STXBP5L: variants seen among roughly 807,000 people sequenced by gnomAD.
The protein encoded by STXBP5L is syntaxin-binding protein 5-like.
A neutral mutation model predicts 144.5 loss-of-function variants in STXBP5L; 65 were observed. That is an observed-to-expected ratio of 0.45 (90% confidence interval 0.37 to 0.55). The LOEUF is 0.55. Among genes scored for constraint, STXBP5L ranks in the 20% least tolerant of loss-of-function variants. The pLI is 0.00. For synonymous variants in STXBP5L, 505 were observed against 469.6 expected, an observed-to-expected ratio of 1.08 and a Z score of -0.97; for missense variants, 1,298 against 1,405.5, an observed-to-expected ratio of 0.92 and a Z score of 1.22.
At chr3:121,250,803 A>C in intron 15 of STXBP5L, 40 bp downstream of exon 15, 1 of 1,560,328 alleles carries the variant, frequency 6.4e-7, no homozygotes, top group Non-Finnish European at 8.7e-7. Context: ...CCAATTGGTT[A>C]ATATTTACTT....
intron 9 of STXBP5L, among the ~76,000 whole-genome samples, chr3:121,205,236 T>C (rs2048292672): frequency 6.6e-6 from 1 of 152,194 alleles, no homozygotes; most frequent in Non-Finnish European, 1.5e-5. Flanking sequence ...TGGCTTATGA[T>C]TCTGGAGGCT....
At chr3:121,029,015 C>G (rs187831515) in intron 3 of STXBP5L, among the ~76,000 whole-genome samples, 32 of 152,156 alleles carry the variant, frequency 2.1e-4, no homozygotes, top group African/African-American at 7.5e-4. Flanking sequence ...AACTACTGCT[C>G]AAGAAAATAA....
chr3:121,037,172 A>T (rs1454071220), intron 3 of STXBP5L, among the ~76,000 whole-genome samples: 1 of 151,258 alleles, frequency 6.6e-6, no homozygotes, highest in Non-Finnish European at 1.5e-5. Context: ...GCTTCAAGCA[A>T]TCATTCTGCT....
At chr3:121,122,677 A>G (rs1258948792) in intron 7 of STXBP5L, among the ~76,000 whole-genome samples, 2 of 151,470 alleles carry the variant, frequency 1.3e-5, no homozygotes, top group Non-Finnish European at 3.0e-5. Context: ...AAGAATAGTA[A>G]GACCTCTGCC....
intron 23 of STXBP5L, among the ~76,000 whole-genome samples, chr3:121,411,049 T>C (rs2047104195): frequency 6.6e-6 from 1 of 152,130 alleles, no homozygotes; most frequent in Non-Finnish European, 1.5e-5. Flanking sequence ...TGGACTCATA[T>C]CTTAAGGAGC....
At chr3:120,973,854 C>G (rs916139068) in intron 3 of STXBP5L, among the ~76,000 whole-genome samples, 5 of 152,088 alleles carry the variant, frequency 3.3e-5, no homozygotes, top group African/African-American at 4.8e-5. Flanking sequence ...TCATCCATTC[C>G]CTACAAAGGA....
chr3:121,157,746 T>C, intron 9 of STXBP5L, 119 bp downstream of exon 9: 1 of 1,352,438 alleles, frequency 7.4e-7, no homozygotes, highest in Non-Finnish European at 9.9e-7. Flanking sequence ...CTTCTGGTTC[T>C]AAACATCCCT....
At chr3:121,408,251 A>C (rs2047038676) in intron 23 of STXBP5L, among the ~76,000 whole-genome samples, 1 of 151,994 alleles carries the variant, frequency 6.6e-6, no homozygotes, top group Non-Finnish European at 1.5e-5. Context: ...CGAGACACAA[A>C]AATAATTACC....
intron 10 of STXBP5L, among the ~76,000 whole-genome samples, chr3:121,218,884 G>A (rs905528779): frequency 2.0e-5 from 3 of 152,230 alleles, no homozygotes; most frequent in African/African-American, 7.2e-5. Context: ...TGATATTCAT[G>A]AGAATTAAAT....
At chr3:121,054,458 G>A (rs1445494970) in intron 5 of STXBP5L, among the ~76,000 whole-genome samples, 1 of 151,832 alleles carries the variant, frequency 6.6e-6, no homozygotes, top group African/African-American at 2.4e-5. Context: ...GATTAAACTG[G>A]AAACCATCAT....
At chr3:120,985,348 T>C (rs1942192368) in intron 3 of STXBP5L, among the ~76,000 whole-genome samples, 1 of 152,108 alleles carries the variant, frequency 6.6e-6, no homozygotes, top group African/African-American at 2.4e-5. Context: ...GATATTTTGA[T>C]GTATGTATAC....
At chr3:120,966,736 C>G (rs939860093) in intron 3 of STXBP5L, among the ~76,000 whole-genome samples, 2 of 152,146 alleles carry the variant, frequency 1.3e-5, no homozygotes, top group Non-Finnish European at 2.9e-5. Context: ...GTGTGTTCCA[C>G]TTAGGCTACA....
At chr3:121,049,201 G>T (rs1325467038) in intron 5 of STXBP5L, among the ~76,000 whole-genome samples, 1 of 152,122 alleles carries the variant, frequency 6.6e-6, no homozygotes, top group Non-Finnish European at 1.5e-5. Flanking sequence ...TGTGCTAGGG[G>T]TTCATGGTAG....
At chr3:120,947,400 A>G (rs2107672723) in intron 2 of STXBP5L, among the ~76,000 whole-genome samples, 1 of 151,898 alleles carries the variant, frequency 6.6e-6, no homozygotes. Flanking sequence ...TTTTTATTGC[A>G]TACTTTGTCT....
At chr3:121,335,555 A>G (rs1002950914) in intron 20 of STXBP5L, among the ~76,000 whole-genome samples, 1 of 152,182 alleles carries the variant, frequency 6.6e-6, no homozygotes, top group Admixed American at 6.5e-5. Flanking sequence ...AAACTATACT[A>G]CAGGGCTACA....
chr3:120,994,163 ATTTG>A (rs1943153737), intron 3 of STXBP5L, among the ~76,000 whole-genome samples: 1 of 151,876 alleles, frequency 6.6e-6, no homozygotes, highest in Non-Finnish European at 1.5e-5. Context: ...ACTTTAATGA[ATTTG>A]TTTATTAGTT....
chr3:121,132,987 C>T (rs1577033529), intron 7 of STXBP5L, among the ~76,000 whole-genome samples: 1 of 152,074 alleles, frequency 6.6e-6, no homozygotes, highest in South Asian at 2.1e-4. Flanking sequence ...GCTTACGGGA[C>T]TTATGGGGTA....
At chr3:121,034,736 C>T (rs1946638133) in intron 3 of STXBP5L, among the ~76,000 whole-genome samples, 1 of 152,086 alleles carries the variant, frequency 6.6e-6, no homozygotes, top group South Asian at 2.1e-4. Flanking sequence ...TGGGTAGATA[C>T]CTAATATTGG....
intron 20 of STXBP5L, among the ~76,000 whole-genome samples, chr3:121,346,855 C>G (rs935732884): frequency 6.6e-6 from 1 of 152,100 alleles, no homozygotes; most frequent in Non-Finnish European, 1.5e-5. Flanking sequence ...GATATTAGCC[C>G]TTTGTCAGAT....
Sources: gnomAD v4.1 joint callset for allele counts (sites outside exome capture counted in the v4.1 genomes callset) on GRCh38, gnomAD v4.1.1 for gene constraint, MANE v1.5 for transcripts, NCBI Gene and HGNC (gene_info 2026-07-23, HGNC 2026-07-21) for gene names.